Variants in CACNA1C observed in about 807,000 individuals in gnomAD.
CACNA1C encodes calcium voltage-gated channel subunit alpha1 C.
In CACNA1C, 30 loss-of-function variants were observed where a neutral mutation model predicts 229.0. The observed-to-expected ratio is 0.13, with a 90% CI of 0.10 to 0.18. The LOEUF (loss-of-function observed/expected upper bound fraction) is 0.18. Among genes scored for constraint, CACNA1C ranks in the 10% least tolerant of loss-of-function variants. CACNA1C has a pLI of 1.00. For missense variants in CACNA1C, 1,658 were observed against 2,845.0 expected (o/e 0.58, Z 9.49); for synonymous variants, 1,114 against 1,132.5 (o/e 0.98, Z 0.33).
At chr12:2,061,788 A>G (rs1400307902) in intron 1 of CACNA1C, among the ~76,000 whole-genome samples, 1 of 152,242 alleles carries the variant, frequency 6.6e-6, no homozygotes, top group African/African-American at 2.4e-5. Flanking sequence ...TTGAACGTGA[A>G]TTCCCCAAAC....
At chr12:2,202,067 T>C (rs910139154) in intron 3 of CACNA1C, among the ~76,000 whole-genome samples, 1 of 152,268 alleles carries the variant, frequency 6.6e-6, no homozygotes, top group African/African-American at 2.4e-5. Flanking sequence ...TCTTTTGTTA[T>C]AATGATTAGA....
intron 43 of CACNA1C, among the ~76,000 whole-genome samples, chr12:2,685,443 C>T (rs1298202407): frequency 2.0e-5 from 3 of 151,352 alleles, no homozygotes; most frequent in Non-Finnish European, 4.4e-5. Context: ...GGATTCTTTC[C>T]GCTTTCTCAA....
chr12:1,973,823 T>G (rs544189310), intron 1 of CACNA1C, among the ~76,000 whole-genome samples: 2 of 152,350 alleles, frequency 1.3e-5, no homozygotes, highest in East Asian at 1.9e-4. Context: ...ATTTATATTT[T>G]CATTTGTTCA....
At chr12:2,381,398 TC>T (rs2098242810) in intron 3 of CACNA1C, among the ~76,000 whole-genome samples, 1 of 152,214 alleles carries the variant, frequency 6.6e-6, no homozygotes, top group South Asian at 2.1e-4. Context: ...TGTTGTCAGC[TC>T]AGACAAACTC....
At chr12:2,539,277 T>C (rs56056516) in intron 9 of CACNA1C, among the ~76,000 whole-genome samples, 6,365 of 103,634 alleles carry the variant, frequency 0.061, 194 homozygotes, top group Middle Eastern at 0.092. Flanking sequence ...GCAGGCAGGG[T>C]TTAAGGACTT....
At chr12:2,439,905 C>T (rs1315151215) in intron 3 of CACNA1C, among the ~76,000 whole-genome samples, 1 of 152,052 alleles carries the variant, frequency 6.6e-6, no homozygotes, top group African/African-American at 2.4e-5. Context: ...TAAGCCCAGA[C>T]CGTTCGGAGC....
At chr12:2,480,510 T>G (rs1251929142) in intron 5 of CACNA1C, among the ~76,000 whole-genome samples, 1 of 152,230 alleles carries the variant, frequency 6.6e-6, no homozygotes, top group African/African-American at 2.4e-5. Flanking sequence ...CTGCAGGGCT[T>G]GTAGTCACCA....
chr12:2,690,340 T>G (rs1365600883), intron 46 of CACNA1C: 1 of 153,088 alleles, frequency 6.5e-6, no homozygotes, highest in Non-Finnish European at 1.5e-5. Context: ...TTGTTTTGGT[T>G]GTTTTTTGAG....
chr12:2,140,514 C>T (rs961332089), intron 3 of CACNA1C, among the ~76,000 whole-genome samples: 2 of 151,430 alleles, frequency 1.3e-5, no homozygotes, highest in Admixed American at 1.3e-4. Context: ...AGGAGGCCTC[C>T]ATCCCAGACC....
At chr12:2,182,948 C>A (rs2096885608) in intron 3 of CACNA1C, among the ~76,000 whole-genome samples, 2 of 152,166 alleles carry the variant, frequency 1.3e-5, no homozygotes, top group Non-Finnish European at 2.9e-5. Flanking sequence ...CCAGGTAATC[C>A]TTAACCTTTC....
intron 8 of CACNA1C, among the ~76,000 whole-genome samples, 185 bp downstream of exon 8, chr12:2,505,130 G>A (rs2099768756): frequency 1.3e-5 from 2 of 152,236 alleles, no homozygotes; most frequent in Admixed American, 6.5e-5. Flanking sequence ...TGGTCTTGGT[G>A]GTGGACAATG....
At chr12:2,077,065 A>T (rs1283387987) in intron 1 of CACNA1C, among the ~76,000 whole-genome samples, 1 of 152,246 alleles carries the variant, frequency 6.6e-6, no homozygotes, top group East Asian at 1.9e-4. Context: ...TTGCCCACTT[A>T]AGTTTGATTT....
At chr12:2,392,974 T>C (rs1476553798) in intron 3 of CACNA1C, among the ~76,000 whole-genome samples, 1 of 152,148 alleles carries the variant, frequency 6.6e-6, no homozygotes. Context: ...TTGTGTAGAC[T>C]GTTGACTACT....
intron 1 of CACNA1C, among the ~76,000 whole-genome samples, chr12:2,069,582 T>C (rs1012437860): frequency 6.6e-6 from 1 of 152,248 alleles, no homozygotes. Context: ...TGTATTGTTA[T>C]CTGTCACATT....
At chr12:2,399,124 G>T (rs1288164420) in intron 3 of CACNA1C, among the ~76,000 whole-genome samples, 4 of 152,180 alleles carry the variant, frequency 2.6e-5, no homozygotes, top group African/African-American at 4.8e-5. Context: ...AGGTGAGTGG[G>T]TGCAGGAGGC....
At chr12:2,370,790 C>T (rs977475262) in intron 3 of CACNA1C, among the ~76,000 whole-genome samples, 8 of 152,104 alleles carry the variant, frequency 5.3e-5, no homozygotes, top group Admixed American at 2.0e-4. Flanking sequence ...TGAAAAGGAT[C>T]GGGGGGATTT....
intron 3 of CACNA1C, among the ~76,000 whole-genome samples, chr12:2,414,903 GGCCCAAA>G (rs1338032589): frequency 1.3e-5 from 2 of 152,144 alleles, no homozygotes; most frequent in African/African-American, 4.8e-5. Context: ...CCCAAGAACT[GGCCCAAA>G]GGCCAGTTCT....
chr12:2,394,826 T>C (rs7973812), intron 3 of CACNA1C, among the ~76,000 whole-genome samples: 26,479 of 152,100 alleles, frequency 0.17, 2,615 homozygotes, highest in African/African-American at 0.26. Flanking sequence ...GGTAAGAAAT[T>C]GGAGTGGTTT....
intron 3 of CACNA1C, among the ~76,000 whole-genome samples, chr12:2,154,710 A>T (rs1241736420): frequency 6.6e-6 from 1 of 152,222 alleles, no homozygotes; most frequent in Non-Finnish European, 1.5e-5. Context: ...CTCTCTGATG[A>T]CTGCTGCCTA....
Sources: allele counts gnomAD v4.1 joint callset (sites outside exome capture counted in the v4.1 genomes callset), GRCh38; gene constraint gnomAD v4.1.1; transcripts MANE v1.5; gene names NCBI Gene and HGNC (gene_info 2026-07-23, HGNC 2026-07-21).